Variants in F13B observed in about 807,000 individuals in gnomAD.
F13B encodes TGase.
Under a neutral mutation model 79.8 loss-of-function variants are expected in F13B, and 58 were observed. The ratio of observed to expected loss-of-function variants is 0.73; its 90% CI spans 0.59 to 0.90. F13B has a LOEUF of 0.90. Ranked by LOEUF, F13B falls within the 40% of genes least tolerant of loss-of-function variation. F13B has a pLI of 0.00. For missense variants in F13B, 773 were observed against 777.0 expected, an observed-to-expected ratio of 0.99 and a Z score of 0.06; for synonymous variants, 283 against 260.3, an observed-to-expected ratio of 1.09 and a Z score of -0.84.
intron 8 of F13B, among the ~76,000 whole-genome samples, chr1:197,054,765 G>C (rs1488000238): frequency 6.6e-6 from 1 of 151,820 alleles, no homozygotes; most frequent in Non-Finnish European, 1.5e-5. Context: ...AATATTCAAA[G>C]TTAACAAAGA....
chr1:197,062,726 G>A (rs1337702993), intron 2 of F13B, 131 bp downstream of exon 2: 30 of 804,874 alleles, frequency 3.7e-5, no homozygotes, highest in Non-Finnish European at 5.8e-5. Flanking sequence ...TTTGTAGAAA[G>A]ACAGATTGCT....
At chr1:197,062,389 A>C (rs1448310848) in intron 2 of F13B, among the ~76,000 whole-genome samples, 1 of 152,174 alleles carries the variant, frequency 6.6e-6, no homozygotes, top group Non-Finnish European at 1.5e-5. Context: ...TCAAACTTTC[A>C]ATTCAAAATT....
At chr1:197,044,748 A>G (rs1025947624) in intron 10 of F13B, among the ~76,000 whole-genome samples, 19 of 152,188 alleles carry the variant, frequency 1.2e-4, no homozygotes, top group African/African-American at 4.1e-4. Flanking sequence ...AATTGACCAC[A>G]TAACTGCAAG....
chr1:197,055,614 A>C (rs1433465153), intron 8 of F13B, 101 bp downstream of exon 8: 75 of 1,299,888 alleles, frequency 5.8e-5, no homozygotes, highest in Non-Finnish European at 8.1e-5. Context: ...AACACTTGTG[A>C]AAAAAGATTT....
At position 197,050,712 on chromosome 1, in the gene F13B, G is replaced by C. The variant is rs779865783; in HGVS notation, c.1723C>G (p.Pro575Ala). 19 of 1,612,976 alleles carry C rather than the reference G, an allele frequency of 1.2e-5. No homozygotes were observed. The highest frequency in any genetic ancestry group is 1.4e-5 in the Non-Finnish European group (17 of 1,179,352). ...AYCLDGMWTT[P>A]PLCLEPCTLS... ...TAGTACATACCTAAACACAATGGTGGTGTAGTCCACATTCCATCTAAACAA... is the reference window on the plus strand; with the variant it reads ...TAGTACATACCTAAACACAATGGTGCTGTAGTCCACATTCCATCTAAACAA... Residue 575 changes from proline (P) to alanine (A), a missense_variant, in exon 10 of 12, where the codon CCA becomes GCA. Pro to Ala is a conservative substitution (Grantham distance 27). Coordinates refer to ENST00000367412, the MANE Select transcript of F13B (RefSeq NM_001994.3).
At chr1:197,060,863 G>A in intron 4 of F13B, 36 bp downstream of exon 4, 8 of 1,585,364 alleles carry the variant, frequency 5.0e-6, no homozygotes, top group Non-Finnish European at 6.9e-6. Flanking sequence ...AAAGCTTTCA[G>A]AGTGAGAGTA....
rs1370012896 is a variant in F13B, at chr1:197,060,777, T to C, written c.628+122A>G. 8 of 975,398 alleles carry C rather than the reference T, an allele frequency of 8.2e-6. No individual in the cohort carries two copies. In the African/African-American group the frequency reaches 1.1e-4, roughly 14 times the overall value. The allele number at this position is 975,398 out of a possible 1,614,324, so 60.4% of individuals were successfully genotyped here. A position where few individuals can be genotyped will look rare whatever the true frequency, so the allele number is the denominator to read the frequency against. ...TATCAAAGACTGCTATCAACATAAT[T>C]AAAAATAAAGGCAAAAATGCATGAA... is the stretch of plus-strand genomic sequence containing the variant. On this transcript the variant is annotated intron_variant, in intron 4 of 11. Coordinates refer to ENST00000367412, the MANE Select transcript of F13B (RefSeq NM_001994.3).
chr1:197,056,015 C>A, intron 7 of F13B, 118 bp from the exon 8 acceptor site: 3 of 1,022,104 alleles, frequency 2.9e-6, no homozygotes, highest in Non-Finnish European at 4.2e-6. Flanking sequence ...TTTATAAATT[C>A]ATTACAAATA....
chr1:197,055,331 G>C (rs748200560), intron 8 of F13B, among the ~76,000 whole-genome samples: 1 of 151,810 alleles, frequency 6.6e-6, no homozygotes, highest in Non-Finnish European at 1.5e-5. Flanking sequence ...ACTCTACCAA[G>C]GAAAGAATAG....
Position 197,052,702 on chromosome 1 carries a change from G to A in F13B, c.1487C>T (p.Thr496Ile). 1 of 1,612,084 alleles carries A rather than the reference G, an allele frequency of 6.2e-7. No individual in the cohort carries two copies. Among genetic ancestry groups the A allele is most frequent in the Non-Finnish European group, 8.5e-7 (1 of 1,178,866 alleles). The change falls in exon 9 of 12, where the codon ACC (threonine) becomes ATC (isoleucine). Residue 496 changes from threonine (T) to isoleucine (I), a missense_variant. Physicochemically the swap from Thr to Ile is moderately conservative, Grantham distance 89. Coordinates refer to ENST00000367412, the MANE Select transcript of F13B (RefSeq NM_001994.3). ...CTGCACAGATAATTCAGACAATGGGGTTAATGGAGATAAGTCATATCCCTG... is the reference window on the plus strand; with the variant it reads ...CTGCACAGATAATTCAGACAATGGGATTAATGGAGATAAGTCATATCCCTG... ...CKQGYDLSPLTPLSELSVQCN... is the reference protein window; with the variant it reads ...CKQGYDLSPLIPLSELSVQCN...
chr1:197,065,343 A>C (rs1386751587), intron 1 of F13B, among the ~76,000 whole-genome samples: 1 of 152,158 alleles, frequency 6.6e-6, no homozygotes, highest in Non-Finnish European at 1.5e-5. Flanking sequence ...TCCTGACAAA[A>C]AATTAATGAG....
At chr1:197,061,144 A>G (rs891176961) in intron 3 of F13B, 69 bp from the exon 4 acceptor site, 2 of 836,654 alleles carry the variant, frequency 2.4e-6, no homozygotes, top group Middle Eastern at 3.7e-4. Context: ...ATCTCAAAAT[A>G]TGGTTTTACA....
At chr1:197,045,996 G>A (rs1288049311) in intron 10 of F13B, among the ~76,000 whole-genome samples, 2 of 152,090 alleles carry the variant, frequency 1.3e-5, no homozygotes, top group Non-Finnish European at 2.9e-5. Flanking sequence ...AATAAACAAG[G>A]TATTGAGGGA....
chr1:197,056,109 G>A (rs549590412), intron 7 of F13B, among the ~76,000 whole-genome samples: 12 of 152,056 alleles, frequency 7.9e-5, no homozygotes, highest in Non-Finnish European at 1.6e-4. Context: ...ACAACTATAC[G>A]TATTTTTCTC....
chr1:197,039,174 G>C lies in F13B; in HGVS notation c.*204C>G. The C allele has an allele frequency of 3.7e-6, 2 of 547,824 alleles. No individual in the cohort carries two copies. The highest frequency in any genetic ancestry group is 6.5e-6 in the Non-Finnish European group (2 of 309,682). 33.9% of individuals were successfully genotyped at this position (547,824 alleles called of 1,614,324 possible). On this transcript the variant is annotated 3_prime_UTR_variant, in exon 12 of 12. Coordinates refer to ENST00000367412, the MANE Select transcript of F13B (RefSeq NM_001994.3). ...ATGGAAGACATACAAAAGAGATTAA[G>C]TTCTACATCAAATCATACAAACTAA...
At position 197,057,305 on chromosome 1, in the gene F13B, T is replaced by C; in HGVS notation, c.966A>G (p.Thr322=). The part of the protein sequence containing the change: ...AEIRCEDGKW[T]EPPKCIEGQE... ...ACTAACCAATGCATTTTGGAGGTTC[T>C]GTCCATTTTCCATCTTCACAACGTA... The change falls in exon 6 of 12, where the codon ACA becomes ACG. Residue 322 remains threonine, a synonymous_variant. Transcript: ENST00000367412. 6.2e-7 allele frequency: 1 copy of C among 1,613,998 alleles called. No individual in the cohort carries two copies. The highest frequency in any genetic ancestry group is 8.5e-7 in the Non-Finnish European group (1 of 1,179,928).
At chr1:197,051,431 T>C (rs1655434673) in intron 9 of F13B, among the ~76,000 whole-genome samples, 1 of 152,120 alleles carries the variant, frequency 6.6e-6, no homozygotes, top group Non-Finnish European at 1.5e-5. Context: ...ATTATTTTCC[T>C]TTTCTTCCTT....
chr1:197,051,001 G>GCCACC, intron 9 of F13B, 122 bp from the exon 10 acceptor site: 1 of 802,506 alleles, frequency 1.2e-6, no homozygotes, highest in Non-Finnish European at 2.0e-6. Context: ...GCATGATCAT[G>GCCACC]ACTCACTGCA....
chr1:197,044,057 T>TTATA (rs201367706), intron 10 of F13B, among the ~76,000 whole-genome samples: 1 of 145,792 alleles, frequency 6.9e-6, no homozygotes, highest in African/African-American at 2.7e-5. Flanking sequence ...ATATATATAT[T>TTATA]TATATATATA....
Sources: gnomAD v4.1 joint callset for allele counts (sites outside exome capture counted in the v4.1 genomes callset) on GRCh38, gnomAD v4.1.1 for gene constraint, MANE v1.5 for transcripts, NCBI Gene and HGNC (gene_info 2026-07-23, HGNC 2026-07-21) for gene names.